CELA2B: variants seen among roughly 807,000 people sequenced by gnomAD.
CELA2B encodes chymotrypsin-like elastase family member 2B.
CELA2B carries 27 observed loss-of-function variants against 36.5 expected under a neutral mutation model. That is an observed-to-expected ratio of 0.74 (90% CI 0.55 to 1.02). The LOEUF (loss-of-function observed/expected upper bound fraction) is 1.02, where lower values mean the gene tolerates loss of function less well. CELA2B is among the 50% of genes least tolerant of loss of function. The pLI, the probability that CELA2B is intolerant of heterozygous loss-of-function variation, is 0.00. For missense variants in CELA2B, 340 were observed against 347.8 expected (o/e 0.98, Z 0.18); for synonymous variants, 143 against 148.5 (o/e 0.96, Z 0.27).
intron 1 of CELA2B, 22 bp downstream of exon 1, chr1:15,476,187 C>T (rs745560518): frequency 1.2e-6 from 2 of 1,614,054 alleles, no homozygotes; most frequent in South Asian, 2.2e-5. Flanking sequence ...CACCCAGAGG[C>T]ACTGGTTTCC....
At chr1:15,488,797 G>A (rs1286098499) in intron 7 of CELA2B, among the ~76,000 whole-genome samples, 1 of 152,306 alleles carries the variant, frequency 6.6e-6, no homozygotes. Context: ...ACGTGGTCAG[G>A]GGAGAAAACT....
chr1:15,478,629 A>G lies in CELA2B; in HGVS notation c.129+2084A>G, dbSNP rs540820360. Among the ~76,000 whole-genome samples, 5 of 148,360 alleles carry G rather than the reference A, an allele frequency of 3.4e-5. 1 individual carries two copies. In the South Asian group the frequency reaches 1.1e-3, roughly 31 times the overall value. On this transcript the variant is annotated intron_variant, in intron 2 of 7. Coordinates refer to ENST00000375910, the MANE Select transcript of CELA2B (RefSeq NM_015849.3). The stretch of plus-strand genomic sequence containing the variant: ...CACCCAGGCTGGAGTGCAGTGGCGC[A>G]GTCTCAGCTAACTGCAACCTCAGCC...
At position 15,487,265 on chromosome 1, in the gene CELA2B, A is replaced by G. The variant is rs746983483; in HGVS notation, c.640-20A>G. On this transcript the variant is annotated intron_variant, in intron 6 of 7. Coordinates refer to ENST00000375910, the MANE Select transcript of CELA2B (RefSeq NM_015849.3). ...CCCCTTCCTCCCACTTCAACTCCCTATAACTCTGGCCTTCCTCAGGGAGAC... is the reference window on the plus strand; with the variant it reads ...CCCCTTCCTCCCACTTCAACTCCCTGTAACTCTGGCCTTCCTCAGGGAGAC... 1.7e-5 allele frequency: 28 copies of G among 1,612,526 alleles called. No individual in the cohort carries two copies. The highest frequency in any genetic ancestry group is 2.2e-5 in the Non-Finnish European group (26 of 1,178,706).
intron 7 of CELA2B, among the ~76,000 whole-genome samples, chr1:15,489,869 A>G (rs1708853176): frequency 6.6e-6 from 1 of 152,012 alleles, no homozygotes; most frequent in Admixed American, 6.6e-5. Flanking sequence ...AGAGGTAATC[A>G]TTGTTTTTGT....
At chr1:15,486,903 C>T (rs1708811248) in intron 6 of CELA2B, among the ~76,000 whole-genome samples, 2 of 152,346 alleles carry the variant, frequency 1.3e-5, no homozygotes, top group South Asian at 2.1e-4. Flanking sequence ...AAGACAGAAC[C>T]AGTGGGGAAG....
At chr1:15,488,813 G>A (rs1262404249) in intron 7 of CELA2B, among the ~76,000 whole-genome samples, 2 of 152,212 alleles carry the variant, frequency 1.3e-5, no homozygotes, top group African/African-American at 2.4e-5. Context: ...AAACTAAACT[G>A]TCAAAATAAG....
Position 15,481,123 on chromosome 1 carries a change from G to A in CELA2B, c.155G>A (p.Gly52Asp), listed in dbSNP as rs149140983. 67 of 1,612,884 alleles carry A rather than the reference G, an allele frequency of 4.2e-5. No homozygotes were observed. Among genetic ancestry groups the A allele is most frequent in the Non-Finnish European group, 5.4e-5 (64 of 1,180,012 alleles). The change falls in exon 3 of 8, where the codon GGC becomes GAC. Residue 52 changes from glycine (G) to aspartate (D), a missense_variant. Coordinates refer to ENST00000375910, the MANE Select transcript of CELA2B (RefSeq NM_015849.3). Reference protein sequence around the residue: ...WQVSLQYSSNGQWYHTCGGSL... With the variant: ...WQVSLQYSSNDQWYHTCGGSL... ...GTCTCCCTGCAGTACAGCTCCAATG[G>A]CCAGTGGTACCACACCTGCGGAGGG...
chr1:15,479,804 G>A (rs1181152547), intron 2 of CELA2B, among the ~76,000 whole-genome samples: 2 of 152,144 alleles, frequency 1.3e-5, no homozygotes, highest in South Asian at 2.1e-4. Flanking sequence ...GAGCTACGCC[G>A]ATATTTGCAA....
rs138197984 is a variant in CELA2B, at chr1:15,478,911, C to A, written c.130-2187C>A. On this transcript the variant is annotated intron_variant, in intron 2 of 7. Transcript: ENST00000375910. ...ATTAATCACCCTGAGAGCCCTGCAC[C>A]GTGGCTTATGTTCCCCATTTCCAGA... 4.7e-3 allele frequency among the ~76,000 whole-genome samples: 719 copies of A among 152,146 alleles called. 6 individuals are homozygous for A. Among genetic ancestry groups the A allele is most frequent in the East Asian group, 0.022 (114 of 5,166 alleles).
intron 2 of CELA2B, among the ~76,000 whole-genome samples, chr1:15,477,715 A>G (rs984365963): frequency 7.5e-4 from 114 of 152,260 alleles, no homozygotes; most frequent in African/African-American, 2.7e-3. Context: ...TTCAAGAGCA[A>G]TTTTTTAGGA....
chr1:15,487,426 T>C lies in CELA2B; in HGVS notation c.781T>C (p.Trp261Arg). 1.2e-6 allele frequency: 2 copies of C among 1,614,250 alleles called. No individual in the cohort carries two copies. Among genetic ancestry groups the C allele is most frequent in the Non-Finnish European group, 1.7e-6 (2 of 1,180,048 alleles). The part of the protein sequence containing the change: ...IFTRVSNYND[W>R]INSVIANN ...CACGCGGGTCTCCAACTACAACGAC[T>C]GGATCAATTCGGTAAGAACCGGAGC... The change falls in exon 7 of 8, where the codon TGG becomes CGG. Residue 261 changes from tryptophan (W) to arginine (R), a missense_variant. Coordinates refer to ENST00000375910, the MANE Select transcript of CELA2B (RefSeq NM_015849.3).
chr1:15,481,004 C>G, intron 2 of CELA2B, 94 bp from the exon 3 acceptor site: 1 of 1,405,540 alleles, frequency 7.1e-7, no homozygotes, highest in Non-Finnish European at 1.0e-6. Flanking sequence ...GCCTCACTCC[C>G]CCTTACCCTT....
chr1:15,478,697 C>G (rs1708702337), intron 2 of CELA2B, among the ~76,000 whole-genome samples: 1 of 151,636 alleles, frequency 6.6e-6, no homozygotes, highest in Admixed American at 6.6e-5. Context: ...TCCTGAGTAC[C>G]TAGAATTAGA....
intron 5 of CELA2B, among the ~76,000 whole-genome samples, chr1:15,483,996 T>G (rs1375242891): frequency 6.6e-6 from 1 of 151,694 alleles, no homozygotes; most frequent in Non-Finnish European, 1.5e-5. Context: ...AAGGAGATAA[T>G]CCACAGGAAG....
chr1:15,482,675 C>T (rs1213704163), intron 4 of CELA2B, among the ~76,000 whole-genome samples: 1 of 152,152 alleles, frequency 6.6e-6, no homozygotes, highest in Non-Finnish European at 1.5e-5. Flanking sequence ...CATGCCAAGT[C>T]CTGGGGACAC....
intron 6 of CELA2B, among the ~76,000 whole-genome samples, chr1:15,487,053 G>C (rs1028664527): frequency 6.6e-6 from 1 of 152,176 alleles, no homozygotes; most frequent in Non-Finnish European, 1.5e-5. Context: ...TACCTCATAG[G>C]ATTTTGTGAG....
At chr1:15,483,234 T>G (rs1382507581) in intron 4 of CELA2B, 30 bp from the exon 5 acceptor site, 2 of 1,612,636 alleles carry the variant, frequency 1.2e-6, no homozygotes, top group Non-Finnish European at 1.7e-6. Context: ...GTCAACCCTG[T>G]TCTCATGCTC....
rs1708764406 is a variant in CELA2B at position 15,483,277 on chromosome 1, C to A, written c.370C>A (p.Leu124Met). 6.2e-7 allele frequency: 1 copy of A among 1,613,834 alleles called. No individual in the cohort carries two copies. Among genetic ancestry groups the A allele is most frequent in the East Asian group, 2.2e-5 (1 of 44,880 alleles). The change falls in exon 5 of 8, where the codon CTG becomes ATG. Residue 124 changes from leucine (L) to methionine (M), a missense_variant. Transcript: ENST00000375910. ...GCACTCACCCAGGAACGACATTGCCCTGCTCAAACTGGCTAACCCCGTCTC... is the reference window on the plus strand; with the variant it reads ...GCACTCACCCAGGAACGACATTGCCATGCTCAAACTGGCTAACCCCGTCTC... ...DQVSKGNDIA[L>M]LKLANPVSLT...
At chr1:15,481,266 G>C in intron 3 of CELA2B, 71 bp downstream of exon 3, 1 of 1,554,070 alleles carries the variant, frequency 6.4e-7, no homozygotes, top group South Asian at 1.1e-5. Flanking sequence ...GGGCTCAAAT[G>C]GCCTGAACCA....
Sources: gnomAD v4.1 joint callset for allele counts (sites outside exome capture counted in the v4.1 genomes callset) on GRCh38, gnomAD v4.1.1 for gene constraint, MANE v1.5 for transcripts, NCBI Gene and HGNC (gene_info 2026-07-23, HGNC 2026-07-21) for gene names.